The following WDPCP variants were observed in gnomAD, a reference collection of about 807,000 sequenced individuals.
WDPCP encodes WD repeat containing planar cell polarity effector, also known as WD repeat-containing and planar cell polarity effector protein fritz homolog.
A neutral mutation model predicts 93.1 loss-of-function variants in WDPCP; 71 were observed. The observed-to-expected ratio is 0.76, with a 90% confidence interval of 0.63 to 0.93. The LOEUF is 0.93. Among genes scored for constraint, WDPCP ranks in the 40% least tolerant of loss-of-function variants. The pLI, the probability that WDPCP is intolerant of heterozygous loss-of-function variation, is 0.00. For synonymous variants in WDPCP, 315 were observed against 315.0 expected (o/e 1.00, Z 0.00); for missense variants, 844 against 887.4 (o/e 0.95, Z 0.62).
At chr2:63,682,437 G>A (rs1386170715) in intron 2 of WDPCP, among the ~76,000 whole-genome samples, 1 of 151,980 alleles carries the variant, frequency 6.6e-6, no homozygotes, top group Admixed American at 6.6e-5. Flanking sequence ...AATTGATGAG[G>A]AAGAAGAATT....
At chr2:63,465,676 A>G (rs1164107466) in intron 6 of WDPCP, among the ~76,000 whole-genome samples, 6 of 152,222 alleles carry the variant, frequency 3.9e-5, no homozygotes, top group Admixed American at 2.6e-4. Flanking sequence ...ATAACTACTT[A>G]CTAACAAGTT....
At chr2:63,739,942 G>A (rs1032419750) in intron 2 of WDPCP, among the ~76,000 whole-genome samples, 2 of 151,182 alleles carry the variant, frequency 1.3e-5, no homozygotes, top group African/African-American at 4.9e-5. Context: ...TTTTTCTCTT[G>A]TAAATTTAAC....
At chr2:63,273,724 C>A (rs1223916834) in intron 13 of WDPCP, among the ~76,000 whole-genome samples, 1 of 151,764 alleles carries the variant, frequency 6.6e-6, no homozygotes, top group East Asian at 1.9e-4. Context: ...TAAAAAGAGA[C>A]AAGGAAGGTG....
At chr2:63,539,273 C>T (rs1395656309) in intron 1 of WDPCP, among the ~76,000 whole-genome samples, 1 of 152,078 alleles carries the variant, frequency 6.6e-6, no homozygotes, top group Non-Finnish European at 1.5e-5. Context: ...AGCTAAAGCC[C>T]CTTTTTCACT....
chr2:63,647,112 T>C (rs992600088), intron 3 of WDPCP, among the ~76,000 whole-genome samples: 3 of 152,134 alleles, frequency 2.0e-5, no homozygotes, highest in African/African-American at 4.8e-5. Context: ...TTTTTTCCTT[T>C]TGTCTCCTCT....
intron 14 of WDPCP, among the ~76,000 whole-genome samples, chr2:63,193,802 G>A (rs1675217996): frequency 6.6e-6 from 1 of 152,104 alleles, no homozygotes. Context: ...TCAAAATAGA[G>A]CAGTCATATG....
At chr2:63,273,815 ACACACACACACG>A (rs1311349976) in intron 13 of WDPCP, among the ~76,000 whole-genome samples, 2 of 143,822 alleles carry the variant, frequency 1.4e-5, no homozygotes, top group Non-Finnish European at 3.1e-5. Context: ...AGAAACACAC[ACACACACACACG>A]CACACACACA....
Position 63,230,325 on chromosome 2 carries a change from C to G in WDPCP, c.1915+28982G>C, listed in dbSNP as rs897364974. ...GTATATGTGCCACATTTTCTTAATCCAGTCTATCATTGATGGACATTTGGG... is the reference window on the plus strand; with the variant it reads ...GTATATGTGCCACATTTTCTTAATCGAGTCTATCATTGATGGACATTTGGG... On this transcript the variant is annotated intron_variant, in intron 14 of 17. Transcript: ENST00000272321. Among the ~76,000 whole-genome samples, 9 of 152,042 alleles carry G rather than the reference C, an allele frequency of 5.9e-5. 2 individuals are homozygous for G. The South Asian group carries it at 1.9e-3, about 32-fold the overall frequency.
chr2:63,125,581 C>A (rs1669839813), intron 17 of WDPCP, among the ~76,000 whole-genome samples: 1 of 152,150 alleles, frequency 6.6e-6, no homozygotes, highest in African/African-American at 2.4e-5. Flanking sequence ...GGATACACTA[C>A]CACACCCAGC....
At chr2:63,662,890 C>T (rs900373861) in intron 2 of WDPCP, among the ~76,000 whole-genome samples, 2 of 152,226 alleles carry the variant, frequency 1.3e-5, no homozygotes, top group African/African-American at 2.4e-5. Context: ...TGCATCCCAA[C>T]AGTAGGTAGT....
At chr2:63,765,439 T>C (rs544867339) in intron 2 of WDPCP, among the ~76,000 whole-genome samples, 27 of 152,304 alleles carry the variant, frequency 1.8e-4, no homozygotes, top group African/African-American at 6.5e-4. Flanking sequence ...TTGTGGACTG[T>C]TCTGCCAGCA....
intron 3 of WDPCP, among the ~76,000 whole-genome samples, chr2:63,620,350 C>T (rs969732621): frequency 1.3e-5 from 2 of 152,190 alleles, no homozygotes; most frequent in African/African-American, 4.8e-5. Flanking sequence ...GGGGCATCCA[C>T]TATTACTGAG....
chr2:63,792,068 A>G (rs1392639221), intron 2 of WDPCP, among the ~76,000 whole-genome samples: 6 of 152,214 alleles, frequency 3.9e-5, no homozygotes, highest in Admixed American at 6.5e-5. Flanking sequence ...AAAGGTGATG[A>G]CATGAAAAAG....
chr2:63,387,214 C>A (rs182157013), intron 10 of WDPCP, among the ~76,000 whole-genome samples: 1 of 152,144 alleles, frequency 6.6e-6, no homozygotes, highest in African/African-American at 2.4e-5. Flanking sequence ...CCTTGATACA[C>A]GTAGATGTAA....
intron 1 of WDPCP, among the ~76,000 whole-genome samples, chr2:63,513,012 G>A (rs1159143107): frequency 6.6e-6 from 1 of 152,086 alleles, no homozygotes; most frequent in Non-Finnish European, 1.5e-5. Flanking sequence ...GTCTCATGAG[G>A]AAGACAGTAA....
At chr2:63,281,747 TCTCA>T (rs1683568390) in intron 13 of WDPCP, among the ~76,000 whole-genome samples, 1 of 152,208 alleles carries the variant, frequency 6.6e-6, no homozygotes, top group East Asian at 1.9e-4. Flanking sequence ...CATCGTATGT[TCTCA>T]CTCACAAGTG....
chr2:63,199,592 T>C (rs1399376292), intron 14 of WDPCP, among the ~76,000 whole-genome samples: 1 of 152,102 alleles, frequency 6.6e-6, no homozygotes, highest in Non-Finnish European at 1.5e-5. Context: ...AGGTGCACAG[T>C]GTAAGAGTTG....
intron 2 of WDPCP, among the ~76,000 whole-genome samples, chr2:63,754,476 A>G (rs1433449465): frequency 2.0e-5 from 3 of 152,264 alleles, no homozygotes; most frequent in African/African-American, 7.2e-5. Flanking sequence ...TATGCCAATA[A>G]TAATCCTTGT....
rs567944198 is a variant in WDPCP at position 63,416,758 on chromosome 2, G to T, written c.826-12101C>A. Among the ~76,000 whole-genome samples the T allele has an allele frequency of 3.3e-5, 5 of 152,040 alleles. No individual in the cohort carries two copies. In the South Asian group the frequency reaches 1.0e-3, roughly 32 times the overall value. On this transcript the variant is annotated intron_variant, in intron 9 of 17. Coordinates refer to ENST00000272321, the MANE Select transcript of WDPCP (RefSeq NM_015910.7). ...AGGCTGGTCTCGAACTCCTGACCTC[G>T]TGATCTGCCCACCTTGGCCTCCCAA...
Sources: allele counts gnomAD v4.1 joint callset (sites outside exome capture counted in the v4.1 genomes callset), GRCh38; gene constraint gnomAD v4.1.1; transcripts MANE v1.5; gene names NCBI Gene and HGNC (gene_info 2026-07-23, HGNC 2026-07-21).